ZNF710: variants seen among roughly 807,000 people sequenced by gnomAD.
ZNF710 encodes the protein zinc finger protein 710.
ZNF710 carries 13 observed loss-of-function variants against 50.6 expected under a neutral mutation model. The observed-to-expected ratio is 0.26, with a 90% CI of 0.17 to 0.41. The LOEUF (loss-of-function observed/expected upper bound fraction) is 0.41. Ranked by LOEUF, ZNF710 falls within the 10% of genes least tolerant of loss-of-function variation. The pLI is 1.00. For missense variants in ZNF710, 721 were observed against 936.6 expected, an observed-to-expected ratio of 0.77 and a Z score of 3.01; for synonymous variants, 383 against 397.0, an observed-to-expected ratio of 0.96 and a Z score of 0.42.
At chr15:90,000,520 C>T (rs1897985374), upstream of ZNF710, among the ~76,000 whole-genome samples, 1 of 152,138 alleles carries the variant, frequency 6.6e-6, no homozygotes, top group Admixed American at 6.5e-5. Flanking sequence ...CCCGCCAGCC[C>T]GCCGATCCCA....
In ZNF710 at chr15:90,074,133, CAA is replaced by C; in HGVS notation, c.1669_1670del (p.Asn557ProfsTer28). On this transcript the variant is annotated frameshift_variant, in exon 4 of 5. Transcript: ENST00000268154. LOFTEE classifies it high-confidence loss of function. ...TGTTCTAGGTGTGCGGGAAGTCCTT[CAA>C]CCGCATGTACAACCTGCTGGGCCAC... Reference protein sequence around the residue: ...FKCKVCGKSFNRMYNLLGHMH... With the variant: ...FKCKVCGKSFXRMYNLLGHMH... The C allele has an allele frequency of 6.2e-7, 1 of 1,613,338 alleles. No homozygotes were observed. The highest frequency in any genetic ancestry group is 8.5e-7 in the Non-Finnish European group (1 of 1,179,702).
chr15:90,027,878 C>G (rs1483974800), intron 1 of ZNF710, among the ~76,000 whole-genome samples: 2 of 149,884 alleles, frequency 1.3e-5, no homozygotes, highest in Non-Finnish European at 3.0e-5. Flanking sequence ...AATTTGAAGA[C>G]AATATGCACA....
intron 1 of ZNF710, among the ~76,000 whole-genome samples, chr15:90,013,618 C>T (rs2151466576): frequency 6.6e-6 from 1 of 152,274 alleles, no homozygotes; most frequent in East Asian, 1.9e-4. Flanking sequence ...TGCCAATGAC[C>T]ACAGATTCTC....
intron 1 of ZNF710, among the ~76,000 whole-genome samples, chr15:90,017,999 C>T (rs1424908578): frequency 1.3e-5 from 2 of 151,926 alleles, no homozygotes; most frequent in Non-Finnish European, 2.9e-5. Flanking sequence ...TCACAGTGTG[C>T]TGTGAGCGCT....
intron 1 of ZNF710, among the ~76,000 whole-genome samples, chr15:90,066,096 A>G (rs1457138232): frequency 6.6e-6 from 1 of 152,220 alleles, no homozygotes; most frequent in Non-Finnish European, 1.5e-5. Context: ...ATAAATTTAG[A>G]TATTTAAATG....
intron 1 of ZNF710, among the ~76,000 whole-genome samples, chr15:90,008,433 T>TAC (rs1443581094): frequency 4.2e-5 from 6 of 141,354 alleles, no homozygotes; most frequent in African/African-American, 1.7e-4. Flanking sequence ...TGTGTATATA[T>TAC]ATATATACAT....
chr15:90,053,405 G>A (rs1280857147), intron 1 of ZNF710, among the ~76,000 whole-genome samples: 1 of 151,332 alleles, frequency 6.6e-6, no homozygotes, highest in Admixed American at 6.6e-5. Flanking sequence ...CTGGAGTACA[G>A]TGGTGTGATC....
At chr15:90,064,039 T>C (rs116258371) in intron 1 of ZNF710, among the ~76,000 whole-genome samples, 1,554 of 152,324 alleles carry the variant, frequency 0.01, 26 homozygotes, top group African/African-American at 0.035. Flanking sequence ...GGCTTGGCCA[T>C]TGATGCTCAG....
At chr15:90,077,099 G>A (rs1313028397) in intron 4 of ZNF710, among the ~76,000 whole-genome samples, 3 of 152,190 alleles carry the variant, frequency 2.0e-5, no homozygotes, top group African/African-American at 7.2e-5. Context: ...CTATGGGGCT[G>A]TCATTTGGGG....
chr15:90,064,162 C>T (rs904534335), intron 1 of ZNF710, among the ~76,000 whole-genome samples: 6 of 152,252 alleles, frequency 3.9e-5, no homozygotes, highest in East Asian at 1.9e-4. Flanking sequence ...CTGTGTCAGA[C>T]GGACTGTCGC....
At chr15:90,039,452 G>T (rs1230244387) in intron 1 of ZNF710, among the ~76,000 whole-genome samples, 1 of 152,192 alleles carries the variant, frequency 6.6e-6, no homozygotes, top group Non-Finnish European at 1.5e-5. Flanking sequence ...CCACTGTGGG[G>T]CTTTCTGCAG....
At position 90,062,917 on chromosome 15, in the gene ZNF710, C is replaced by T. The variant is rs572487607; in HGVS notation, c.-28-4193C>T. ...TGGACACGGGGCCTGCCCCCATAAG[C>T]CTCACAAAGAGAGCATTACAGGGTG... On this transcript the variant is annotated intron_variant, in intron 1 of 4. Coordinates refer to ENST00000268154, the MANE Select transcript of ZNF710 (RefSeq NM_198526.4). The surrounding 1 kb of genome is among the most constrained non-coding windows in gnomAD (Gnocchi z 5.6). 7.2e-5 allele frequency among the ~76,000 whole-genome samples: 11 copies of T among 152,182 alleles called. No homozygotes were observed. Among genetic ancestry groups the T allele is most frequent in the Non-Finnish European group, 1.6e-4 (11 of 68,026 alleles).
chr15:90,016,107 T>C (rs1354810732), intron 1 of ZNF710, among the ~76,000 whole-genome samples: 3 of 152,176 alleles, frequency 2.0e-5, no homozygotes, highest in African/African-American at 7.2e-5. Flanking sequence ...GGTGTATCTT[T>C]TTCTGTATTT....
At chr15:90,024,130 C>T (rs1596271984) in intron 1 of ZNF710, among the ~76,000 whole-genome samples, 1 of 152,204 alleles carries the variant, frequency 6.6e-6, no homozygotes, top group African/African-American at 2.4e-5. Context: ...CCCTCCTTCC[C>T]ACCCCTTACC....
At chr15:90,039,783 T>G (rs1233488014) in intron 1 of ZNF710, among the ~76,000 whole-genome samples, 1 of 152,134 alleles carries the variant, frequency 6.6e-6, no homozygotes. Flanking sequence ...CCTCTGCATC[T>G]GCCGTGGTCT....
intron 1 of ZNF710, among the ~76,000 whole-genome samples, chr15:90,001,966 T>TGAGAGAGAGAGAGAGA (rs745830369): frequency 7.2e-5 from 7 of 96,844 alleles, no homozygotes; most frequent in African/African-American, 2.5e-4. Context: ...AGCGCGCGAA[T>TGAGAGAGAGAGAGAGA]GAGAGAGAGA....
intron 2 of ZNF710, among the ~76,000 whole-genome samples, chr15:90,072,513 T>C (rs567652302): frequency 6.6e-6 from 1 of 152,288 alleles, no homozygotes; most frequent in African/African-American, 2.4e-5. Context: ...AGTGCCATTT[T>C]TGGGGGGGTG....
At position 90,026,180 on chromosome 15, in the gene ZNF710, C is replaced by T. The variant is rs540325039; in HGVS notation, c.-29+24566C>T. On this transcript the variant is annotated intron_variant, in intron 1 of 4. Transcript: ENST00000268154. Reference sequence around the variant, plus strand: ...TCCAAGAGCTGATTCTGTTTTTAAACAAACAGTAAAGTAGCCTAACCCCTG... The same window carrying T: ...TCCAAGAGCTGATTCTGTTTTTAAATAAACAGTAAAGTAGCCTAACCCCTG... Among the ~76,000 whole-genome samples the T allele has an allele frequency of 6.9e-5, 9 of 131,312 alleles. No individual in the cohort carries two copies. In the East Asian group the frequency reaches 1.1e-3, roughly 15 times the overall value. The allele number at this position is 131,312 out of a possible 152,430, so 86.1% of individuals were successfully genotyped here.
At chr15:90,013,058 T>C (rs1465761032) in intron 1 of ZNF710, among the ~76,000 whole-genome samples, 1 of 152,212 alleles carries the variant, frequency 6.6e-6, no homozygotes, top group Non-Finnish European at 1.5e-5. Flanking sequence ...GAGGGTGTGT[T>C]CCTTAGGTGT....
Sources: gnomAD v4.1 joint callset for allele counts (sites outside exome capture counted in the v4.1 genomes callset) on GRCh38, gnomAD v4.1.1 for gene constraint, Gnocchi (gnomAD v3.1) non-coding constraint, MANE v1.5 for transcripts, NCBI Gene and HGNC (gene_info 2026-07-23, HGNC 2026-07-21) for gene names.